FRMPD1: variants seen among roughly 807,000 people sequenced by gnomAD.
FRMPD1 encodes the protein FERM and PDZ domain-containing protein 1.
Under a neutral mutation model 117.8 loss-of-function variants are expected in FRMPD1, and 76 were observed. The ratio of observed to expected loss-of-function variants is 0.65; its 90% CI spans 0.54 to 0.78. The LOEUF (loss-of-function observed/expected upper bound fraction) is 0.78, where lower values mean the gene tolerates loss of function less well. Among genes scored for constraint, FRMPD1 ranks in the 30% least tolerant of loss-of-function variants. FRMPD1 has a pLI of 0.00. For missense variants in FRMPD1, 1,786 were observed against 1,964.5 expected (o/e 0.91, Z 1.72); for synonymous variants, 783 against 770.4 (o/e 1.02, Z -0.27).
chr9:37,722,911 C>T (rs527742402), intron 6 of FRMPD1, among the ~76,000 whole-genome samples: 2 of 152,132 alleles, frequency 1.3e-5, no homozygotes, highest in Non-Finnish European at 2.9e-5. Context: ...TATATTCTTA[C>T]GAGAGCTGGG....
Position 37,744,608 on chromosome 9 carries a change from C to T in FRMPD1, c.2576C>T (p.Ser859Phe), listed in dbSNP as rs1048167770. 5.1e-5 allele frequency: 83 copies of T among 1,613,942 alleles called. No homozygotes were observed. Among genetic ancestry groups the T allele is most frequent in the Non-Finnish European group, 6.5e-5 (77 of 1,179,958 alleles). ...QVSFPLVPSA[S>F]LESVDDVCYY... is the part of the protein sequence containing the mutation. ...TCATTTCCCCTGGTGCCATCAGCCT[C>T]CCTGGAGAGTGTAGACGACGTGTGC... Residue 859 changes from serine (S) to phenylalanine (F), a missense_variant, in exon 16 of 16, where the codon TCC becomes TTC. Ser to Phe is a radical substitution (Grantham distance 155). Transcript: ENST00000377765.
intron 4 of FRMPD1, among the ~76,000 whole-genome samples, chr9:37,708,983 T>G (rs2118161460): frequency 6.6e-6 from 1 of 152,290 alleles, no homozygotes; most frequent in South Asian, 2.1e-4. Flanking sequence ...CCTCCAAACC[T>G]TCTGTCTGGT....
intron 1 of FRMPD1, among the ~76,000 whole-genome samples, chr9:37,690,668 C>T (rs998930327): frequency 1.3e-5 from 2 of 152,128 alleles, no homozygotes; most frequent in Non-Finnish European, 2.9e-5. Flanking sequence ...CTATTCAGTC[C>T]TCCAGAGAAG....
At chr9:37,708,146 G>A (rs973080199) in intron 3 of FRMPD1, among the ~76,000 whole-genome samples, 20 of 152,166 alleles carry the variant, frequency 1.3e-4, no homozygotes, top group African/African-American at 4.6e-4. Flanking sequence ...TGATTTAGAA[G>A]GTTTCTGCTA....
the FRMPD1 span, among the ~76,000 whole-genome samples, chr9:37,607,118 C>T: frequency 3.3e-5 from 5 of 152,100 alleles, no homozygotes; most frequent in Non-Finnish European, 7.4e-5. Context: ...ATTTCGAGAC[C>T]AGCCTGGCCA....
intron 7 of FRMPD1, among the ~76,000 whole-genome samples, chr9:37,726,781 G>A (rs1324240136): frequency 6.6e-6 from 1 of 152,142 alleles, no homozygotes. Flanking sequence ...GGTGGGGCTA[G>A]GGTGAGGAGA....
the FRMPD1 span, among the ~76,000 whole-genome samples, chr9:37,606,067 T>C: frequency 6.6e-6 from 1 of 152,314 alleles, no homozygotes; most frequent in East Asian, 1.9e-4. Context: ...ATGGGTTGTA[T>C]AATCTGTAGA....
the FRMPD1 span, among the ~76,000 whole-genome samples, chr9:37,644,719 T>C: frequency 1.3e-5 from 2 of 152,172 alleles, no homozygotes; most frequent in Non-Finnish European, 2.9e-5. Flanking sequence ...CTCATACCAG[T>C]CGCTTGAATT....
intron 8 of FRMPD1, 104 bp from the exon 9 acceptor site, chr9:37,730,880 G>A: frequency 1.7e-6 from 2 of 1,172,570 alleles, no homozygotes; most frequent in South Asian, 1.4e-5. Context: ...TGAAATCTCT[G>A]GGAACTGTCT....
intron 1 of FRMPD1, among the ~76,000 whole-genome samples, chr9:37,667,442 G>A (rs1821197969): frequency 6.6e-6 from 1 of 150,812 alleles, no homozygotes; most frequent in African/African-American, 2.4e-5. Context: ...GGAGGCTGAG[G>A]CGGGCGGGTT....
the FRMPD1 span, among the ~76,000 whole-genome samples, chr9:37,644,498 C>T: frequency 1.3e-5 from 2 of 152,172 alleles, no homozygotes; most frequent in African/African-American, 4.8e-5. Flanking sequence ...GTATGGCTCA[C>T]AATTTGGGTC....
chr9:37,603,427 A>G, the FRMPD1 span, among the ~76,000 whole-genome samples: 1 of 152,156 alleles, frequency 6.6e-6, no homozygotes, highest in Non-Finnish European at 1.5e-5. Context: ...AAGCCAAAAA[A>G]ACGAGTTAGG....
chr9:37,658,439 G>A (rs748716582), intron 1 of FRMPD1, among the ~76,000 whole-genome samples: 9 of 152,180 alleles, frequency 5.9e-5, no homozygotes, highest in Non-Finnish European at 1.3e-4. Flanking sequence ...CTTAGGTGCT[G>A]TATTTTTTCC....
intron 8 of FRMPD1, 67 bp downstream of exon 8, chr9:37,729,920 C>T: frequency 6.5e-7 from 1 of 1,542,008 alleles, no homozygotes; most frequent in Non-Finnish European, 8.8e-7. Context: ...TCAGCCAGAA[C>T]CTCTGGGGAC....
chr9:37,733,635 C>T (rs185914709), intron 11 of FRMPD1, 36 bp downstream of exon 11: 110 of 1,611,360 alleles, frequency 6.8e-5, no homozygotes, highest in African/African-American at 4.0e-5. Flanking sequence ...ACTCAGCTGT[C>T]GTCTGTGAAA....
chr9:37,711,561 C>A (rs992758526), intron 5 of FRMPD1, among the ~76,000 whole-genome samples, 166 bp downstream of exon 5: 3 of 152,146 alleles, frequency 2.0e-5, no homozygotes, highest in Admixed American at 6.5e-5. Flanking sequence ...TGAAGACCTC[C>A]TCCATGCAAG....
chr9:37,741,958 G>A (rs1824443636), intron 15 of FRMPD1, among the ~76,000 whole-genome samples: 1 of 152,228 alleles, frequency 6.6e-6, no homozygotes, highest in African/African-American at 2.4e-5. Context: ...TCTGTCACAT[G>A]TTCTTGCATT....
At chr9:37,655,750 G>C (rs534644944) in intron 1 of FRMPD1, among the ~76,000 whole-genome samples, 59 of 151,860 alleles carry the variant, frequency 3.9e-4, no homozygotes, top group African/African-American at 1.4e-3. Flanking sequence ...TGATCCACCC[G>C]CCTCGGCCTC....
the FRMPD1 span, among the ~76,000 whole-genome samples, chr9:37,623,962 T>C: frequency 2.6e-5 from 4 of 152,112 alleles, no homozygotes; most frequent in South Asian, 8.3e-4. Context: ...CAGATTAGGG[T>C]GATGTGGGAG....
Sources: allele counts gnomAD v4.1 joint callset (sites outside exome capture counted in the v4.1 genomes callset), GRCh38; gene constraint gnomAD v4.1.1; transcripts MANE v1.5; gene names NCBI Gene and HGNC (gene_info 2026-07-23, HGNC 2026-07-21).